RBFOX1: variants seen among roughly 807,000 people sequenced by gnomAD.
RBFOX1 encodes the protein RNA binding fox-1 homolog 1, also known as RNA binding protein fox-1 homolog 1.
Under a neutral mutation model 57.7 loss-of-function variants are expected in RBFOX1, and 8 were observed. The observed-to-expected ratio is 0.14, with a 90% CI of 0.08 to 0.25. The LOEUF (loss-of-function observed/expected upper bound fraction) is 0.25. RBFOX1 is among the 10% of genes least tolerant of loss of function. The pLI is 1.00. For missense variants in RBFOX1, 611 were observed against 548.5 expected (o/e 1.11, Z -1.14); for synonymous variants, 326 against 222.4 (o/e 1.47, Z -4.15).
intron 4 of RBFOX1, among the ~76,000 whole-genome samples, chr16:7,210,028 C>A (rs1029929635): frequency 2.0e-5 from 3 of 152,120 alleles, no homozygotes; most frequent in Non-Finnish European, 4.4e-5. Flanking sequence ...CAGTGAAAAC[C>A]AGGGATAGCG....
chr16:6,701,384 C>G (rs985558298), intron 3 of RBFOX1, among the ~76,000 whole-genome samples: 1 of 152,210 alleles, frequency 6.6e-6, no homozygotes, highest in African/African-American at 2.4e-5. Flanking sequence ...ACTGACTCCA[C>G]AAAGTGGGAA....
At chr16:7,599,432 A>G (rs2094889688) in intron 9 of RBFOX1, among the ~76,000 whole-genome samples, 1 of 147,546 alleles carries the variant, frequency 6.8e-6, no homozygotes, top group African/African-American at 2.4e-5. Flanking sequence ...TTTTATGACC[A>G]GGGACTGAAA....
intron 1 of RBFOX1, among the ~76,000 whole-genome samples, chr16:5,378,201 A>C (rs1380871235): frequency 1.3e-5 from 2 of 151,554 alleles, no homozygotes; most frequent in Non-Finnish European, 2.9e-5. Flanking sequence ...TCTCCTTGGG[A>C]AGTAGGGTCA....
intron 4 of RBFOX1, among the ~76,000 whole-genome samples, chr16:7,219,357 G>C (rs989993774): frequency 7.2e-5 from 11 of 152,202 alleles, no homozygotes; most frequent in Non-Finnish European, 1.3e-4. Flanking sequence ...GAATAAGTCA[G>C]AAAGGAGTGT....
Position 7,257,991 on chromosome 16 carries a change from C to T in RBFOX1, c.27+205893C>T, listed in dbSNP as rs1386188038. ...GCCTAATGAAGGAATTCTGTATCGA[C>T]ACAACTCTGACATTTGAGATGTTCA... On this transcript the variant is annotated intron_variant, in intron 4 of 15. Coordinates refer to ENST00000550418, the MANE Select transcript of RBFOX1 (RefSeq NM_018723.4). 2.0e-5 allele frequency among the ~76,000 whole-genome samples: 3 copies of T among 152,302 alleles called. No individual in the cohort carries two copies. In the East Asian group the frequency reaches 5.8e-4, roughly 29 times the overall value.
chr16:5,900,211 A>G (rs553443955), intron 4 of RBFOX1, among the ~76,000 whole-genome samples: 5 of 152,200 alleles, frequency 3.3e-5, no homozygotes, highest in Admixed American at 1.3e-4. Context: ...GGTGGGGCCA[A>G]TGTGGGAGAT....
At chr16:6,652,821 G>C (rs118122784) in intron 2 of RBFOX1, among the ~76,000 whole-genome samples, 1,617 of 152,230 alleles carry the variant, frequency 0.011, 15 homozygotes, top group Non-Finnish European at 0.016. Context: ...AAATTCTGGA[G>C]ATGGAGGGTG....
chr16:5,653,876 A>T (rs1258178324), intron 3 of RBFOX1, among the ~76,000 whole-genome samples: 1 of 152,164 alleles, frequency 6.6e-6, no homozygotes, highest in East Asian at 1.9e-4. Flanking sequence ...AGTGGGCAGG[A>T]GGGCTGCTCT....
In RBFOX1 at chr16:7,018,122, G is replaced by T. The variant is rs74008507; in HGVS notation, c.-15-33935G>T. 9.1e-3 allele frequency among the ~76,000 whole-genome samples: 1,392 copies of T among 152,186 alleles called. 26 individuals carry two copies. The highest frequency in any genetic ancestry group is 0.032 in the African/African-American group (1,319 of 41,518). ...TCTCTGTGGAGCATCTAGGTCTTAG[G>T]AAGGGAAGCCCATCTGGAAATCTGT... On this transcript the variant is annotated intron_variant, in intron 3 of 15. Transcript: ENST00000550418.
At chr16:6,527,814 C>T (rs768325406) in intron 2 of RBFOX1, among the ~76,000 whole-genome samples, 40 of 152,208 alleles carry the variant, frequency 2.6e-4, no homozygotes, top group African/African-American at 7.9e-4. Context: ...AGGGTAGGGA[C>T]GTGTGGATGC....
At chr16:5,929,965 C>T (rs929530973) in intron 4 of RBFOX1, among the ~76,000 whole-genome samples, 3 of 150,906 alleles carry the variant, frequency 2.0e-5, no homozygotes, top group African/African-American at 7.3e-5. Context: ...TGTGGCTGGT[C>T]AGGAAAGGAG....
intron 1 of RBFOX1, chr16:6,092,953 C>T (rs2096197684): frequency 6.6e-6 from 1 of 152,074 alleles, no homozygotes; most frequent in African/African-American, 2.4e-5. Context: ...AAAAAACTGC[C>T]TATCAGATGC....
intron 1 of RBFOX1, among the ~76,000 whole-genome samples, chr16:6,178,961 A>G (rs2097038652): frequency 6.6e-6 from 1 of 152,218 alleles, no homozygotes; most frequent in Non-Finnish European, 1.5e-5. Flanking sequence ...CCTTACTTAG[A>G]AGATGAGTTG....
chr16:7,043,708 C>T (rs558252816), intron 3 of RBFOX1, among the ~76,000 whole-genome samples: 1 of 152,270 alleles, frequency 6.6e-6, no homozygotes, highest in Non-Finnish European at 1.5e-5. Context: ...ACATGAACAT[C>T]TATTTATCCA....
rs553744827 is a variant in RBFOX1, at chr16:6,570,294, T to G, written c.-63-84309T>G. ...TACTCTTTTGTTTTGAAAATCAGTG[T>G]TTTTGTGTTTTAACTCTCAATGTAT... On this transcript the variant is annotated intron_variant, in intron 2 of 15. Coordinates refer to ENST00000550418, the MANE Select transcript of RBFOX1 (RefSeq NM_018723.4). Among the ~76,000 whole-genome samples the G allele has an allele frequency of 1.2e-4, 19 of 152,306 alleles. 1 individual carries two copies. Among genetic ancestry groups the G allele is most frequent in the African/African-American group, 4.6e-4 (19 of 41,568 alleles).
At chr16:5,926,574 A>T (rs1270035599) in intron 4 of RBFOX1, among the ~76,000 whole-genome samples, 1 of 151,986 alleles carries the variant, frequency 6.6e-6, no homozygotes, top group East Asian at 1.9e-4. Flanking sequence ...TACACCTCAG[A>T]CTCGTAACTC....
chr16:6,558,159 C>G (rs7194273), intron 2 of RBFOX1, among the ~76,000 whole-genome samples: 3 of 152,068 alleles, frequency 2.0e-5, no homozygotes, highest in African/African-American at 7.3e-5. Flanking sequence ...GCCCAGAAGC[C>G]TGGGAGGAGT....
chr16:5,702,203 G>A (rs1300532914), intron 3 of RBFOX1, among the ~76,000 whole-genome samples: 3 of 152,202 alleles, frequency 2.0e-5, no homozygotes, highest in Non-Finnish European at 4.4e-5. Context: ...CTTAACAGGA[G>A]GCATGACTGG....
chr16:6,960,241 T>G (rs990784708), intron 3 of RBFOX1, among the ~76,000 whole-genome samples: 1 of 152,148 alleles, frequency 6.6e-6, no homozygotes, highest in Non-Finnish European at 1.5e-5. Context: ...TTAGATTAAG[T>G]AAATTTACTG....
Sources: gnomAD v4.1 joint callset for allele counts (sites outside exome capture counted in the v4.1 genomes callset) on GRCh38, gnomAD v4.1.1 for gene constraint, MANE v1.5 for transcripts, NCBI Gene and HGNC (gene_info 2026-07-23, HGNC 2026-07-21) for gene names.